SH3GL3: variants seen among roughly 807,000 people sequenced by gnomAD.
The protein encoded by SH3GL3 is endophilin-A3.
In SH3GL3, 33 loss-of-function variants were observed where a neutral mutation model predicts 47.7. The observed-to-expected ratio is 0.69, with a 90% CI of 0.52 to 0.92. SH3GL3 has a LOEUF of 0.92. SH3GL3 is among the 40% of genes least tolerant of loss of function. The pLI, the probability that SH3GL3 is intolerant of heterozygous loss-of-function variation, is 0.00. For synonymous variants in SH3GL3, 155 were observed against 148.8 expected, an observed-to-expected ratio of 1.04 and a Z score of -0.30; for missense variants, 363 against 417.8, an observed-to-expected ratio of 0.87 and a Z score of 1.14.
chr15:83,534,064 G>T (rs952472136), intron 1 of SH3GL3, among the ~76,000 whole-genome samples: 1 of 152,110 alleles, frequency 6.6e-6, no homozygotes, highest in African/African-American at 2.4e-5. Context: ...GATTGTGTTG[G>T]AAGCTCAATT....
At chr15:83,558,303 T>G (rs1363266180) in intron 1 of SH3GL3, among the ~76,000 whole-genome samples, 1 of 152,230 alleles carries the variant, frequency 6.6e-6, no homozygotes, top group Non-Finnish European at 1.5e-5. Context: ...CTCTTTAGCT[T>G]GGCATTTGAG....
chr15:83,614,029 T>A (rs1297390461), intron 8 of SH3GL3, among the ~76,000 whole-genome samples: 2 of 152,172 alleles, frequency 1.3e-5, no homozygotes, highest in East Asian at 1.9e-4. Flanking sequence ...GAATAATAAT[T>A]ATTTTTATAA....
chr15:83,610,705 T>A lies in SH3GL3; in HGVS notation c.839-7377T>A, dbSNP rs533220866. Among the ~76,000 whole-genome samples, 5 of 152,240 alleles carry A rather than the reference T, an allele frequency of 3.3e-5. No individual in the cohort carries two copies. In the South Asian group the frequency reaches 1.0e-3, roughly 32 times the overall value. On this transcript the variant is annotated intron_variant, in intron 8 of 8. Coordinates refer to ENST00000427482, the MANE Select transcript of SH3GL3 (RefSeq NM_003027.5). ...GCTTAATTGTGTTAAATTTGTGTCCTCAATTTCTCCATCCCTCACATTGGG... is the reference window on the plus strand; with the variant it reads ...GCTTAATTGTGTTAAATTTGTGTCCACAATTTCTCCATCCCTCACATTGGG...
At chr15:83,522,704 GATAA>G (rs1487877095) in intron 1 of SH3GL3, among the ~76,000 whole-genome samples, 2 of 152,150 alleles carry the variant, frequency 1.3e-5, no homozygotes, top group Non-Finnish European at 2.9e-5. Context: ...ATTTCAGGTT[GATAA>G]AGAAGAGGCA....
rs1244087271 is a variant in SH3GL3 at position 83,512,576 on chromosome 15, C to G, written c.46-46677C>G. Among the ~76,000 whole-genome samples, 9 of 152,146 alleles carry G rather than the reference C, an allele frequency of 5.9e-5. No homozygotes were observed. The East Asian group carries it at 1.7e-3, about 29-fold the overall frequency. On this transcript the variant is annotated intron_variant, in intron 1 of 8. Coordinates refer to ENST00000427482, the MANE Select transcript of SH3GL3 (RefSeq NM_003027.5). ...CCTGCACATTAGAATTGGAAAGGTC[C>G]TCTTTGTGTCTGCCCCTGTAAGGGA... is the stretch of plus-strand genomic sequence containing the variant.
At chr15:83,610,732 G>A (rs1367860475) in intron 8 of SH3GL3, among the ~76,000 whole-genome samples, 2 of 152,024 alleles carry the variant, frequency 1.3e-5, no homozygotes, top group Non-Finnish European at 2.9e-5. Context: ...CACATTGGGG[G>A]AAATAGTGGT....
intron 1 of SH3GL3, among the ~76,000 whole-genome samples, chr15:83,464,505 A>C (rs1441955887): frequency 2.6e-5 from 4 of 152,180 alleles, no homozygotes; most frequent in African/African-American, 4.8e-5. Context: ...AAGTGCCTGC[A>C]TCACCTCTCT....
intron 1 of SH3GL3, among the ~76,000 whole-genome samples, chr15:83,510,516 T>G (rs1045672789): frequency 2.0e-5 from 3 of 152,222 alleles, no homozygotes; most frequent in African/African-American, 7.2e-5. Context: ...TGTCAATGAA[T>G]TGCTTTAGCA....
rs927249033 is a variant in SH3GL3, at chr15:83,572,643, A to T, written c.410A>T (p.Gln137Leu). 3.1e-6 allele frequency: 5 copies of T among 1,611,660 alleles called. No individual in the cohort carries two copies. Among genetic ancestry groups the T allele is most frequent in the Admixed American group, 3.3e-5 (2 of 60,000 alleles). Reference protein sequence around the residue: ...VKDSLDINVKQTFIDPLQLLQ... With the variant: ...VKDSLDINVKLTFIDPLQLLQ... ...GACTCTCTTGATATTAATGTAAAGCAAACTTTTATTGATCCACTTCAGTTA... is the reference window on the plus strand; with the variant it reads ...GACTCTCTTGATATTAATGTAAAGCTAACTTTTATTGATCCACTTCAGTTA... The change falls in exon 5 of 9, where the codon CAA (glutamine) becomes CTA (leucine). Residue 137 changes from glutamine to leucine, a missense_variant. Physicochemically the swap from Gln to Leu is moderately radical, Grantham distance 113. Coordinates refer to ENST00000427482, the MANE Select transcript of SH3GL3 (RefSeq NM_003027.5).
chr15:83,588,543 G>A (rs7182322), intron 7 of SH3GL3, 119 bp from the exon 8 acceptor site: 137,486 of 660,044 alleles, frequency 0.21, 16,762 homozygotes, highest in Admixed American at 0.28. Context: ...TGTAAAAATC[G>A]TCCCTTTCAT....
At chr15:83,457,515 G>T (rs1158898563) in intron 1 of SH3GL3, among the ~76,000 whole-genome samples, 2 of 152,186 alleles carry the variant, frequency 1.3e-5, no homozygotes, top group Non-Finnish European at 2.9e-5. Context: ...TGTAATCACT[G>T]ACTATACAGG....
At chr15:83,609,843 C>G (rs560834070) in intron 8 of SH3GL3, among the ~76,000 whole-genome samples, 2 of 152,104 alleles carry the variant, frequency 1.3e-5, no homozygotes, top group Non-Finnish European at 1.5e-5. Context: ...GCTTCCAGAT[C>G]CTGGCATGTG....
At chr15:83,492,782 A>G (rs2041928136) in intron 1 of SH3GL3, among the ~76,000 whole-genome samples, 2 of 152,368 alleles carry the variant, frequency 1.3e-5, no homozygotes, top group South Asian at 4.1e-4. Flanking sequence ...AGAGTTGTCC[A>G]GAGAGACTGA....
chr15:83,471,105 T>A (rs1191699432), intron 1 of SH3GL3, among the ~76,000 whole-genome samples: 2 of 152,208 alleles, frequency 1.3e-5, no homozygotes, highest in African/African-American at 4.8e-5. Flanking sequence ...TTTTCTGATG[T>A]TCCAAGATTC....
intron 1 of SH3GL3, among the ~76,000 whole-genome samples, chr15:83,497,764 T>A (rs1013446378): frequency 9.9e-5 from 15 of 152,208 alleles, no homozygotes; most frequent in Non-Finnish European, 1.9e-4. Context: ...ACACAATGGA[T>A]CTACTTCAGT....
the SH3GL3 span, among the ~76,000 whole-genome samples, chr15:83,628,099 C>T: frequency 6.6e-6 from 1 of 152,148 alleles, no homozygotes; most frequent in South Asian, 2.1e-4. Context: ...ACATTTTCTG[C>T]AGGCTGCCCA....
chr15:83,626,165 CT>C, the SH3GL3 span, among the ~76,000 whole-genome samples: 3 of 152,166 alleles, frequency 2.0e-5, no homozygotes, highest in Non-Finnish European at 2.9e-5. Flanking sequence ...GTGACTTTCA[CT>C]TTTTTTCTTA....
At chr15:83,538,490 G>T (rs2044019556) in intron 1 of SH3GL3, among the ~76,000 whole-genome samples, 1 of 152,146 alleles carries the variant, frequency 6.6e-6, no homozygotes, top group Non-Finnish European at 1.5e-5. Context: ...TGGCACCCAA[G>T]AGGACCCCTT....
intron 1 of SH3GL3, among the ~76,000 whole-genome samples, chr15:83,507,257 C>G (rs2042551259): frequency 6.6e-6 from 1 of 152,084 alleles, no homozygotes; most frequent in South Asian, 2.1e-4. Flanking sequence ...ATCCGCCCAC[C>G]TCGACCTCCC....
Sources: gnomAD v4.1 joint callset for allele counts (sites outside exome capture counted in the v4.1 genomes callset) on GRCh38, gnomAD v4.1.1 for gene constraint, MANE v1.5 for transcripts, NCBI Gene and HGNC (gene_info 2026-07-23, HGNC 2026-07-21) for gene names.